The following FRMD8 variants were observed in gnomAD, a reference collection of about 807,000 sequenced individuals.
FRMD8 encodes the protein FERM domain-containing protein 8.
In FRMD8, 37 loss-of-function variants were observed where a neutral mutation model predicts 54.2. The observed-to-expected ratio is 0.68, with a 90% CI of 0.53 to 0.90. The LOEUF (loss-of-function observed/expected upper bound fraction) is 0.90, where lower values mean the gene tolerates loss of function less well. Among genes scored for constraint, FRMD8 ranks in the 40% least tolerant of loss-of-function variants. FRMD8 has a pLI of 0.00. For missense variants in FRMD8, 585 were observed against 653.7 expected (o/e 0.89, Z 1.15); for synonymous variants, 246 against 286.9 (o/e 0.86, Z 1.44).
intron 6 of FRMD8, 95 bp from the exon 7 acceptor site, chr11:65,396,703 GT>G (rs1435004348): frequency 4.1e-6 from 3 of 732,978 alleles, no homozygotes; most frequent in Non-Finnish European, 6.2e-6. Flanking sequence ...GTAGATGTGT[GT>G]CTGCTTCCTC....
At chr11:65,395,771 C>T (rs1236105879) in intron 6 of FRMD8, among the ~76,000 whole-genome samples, 1 of 152,190 alleles carries the variant, frequency 6.6e-6, no homozygotes, top group Non-Finnish European at 1.5e-5. Flanking sequence ...GCATTAAAAC[C>T]CCTGCACCAG....
At chr11:65,382,272 C>T, upstream of FRMD8, 1 of 427,930 alleles carries the variant, frequency 2.3e-6, no homozygotes, top group Non-Finnish European at 4.4e-6. This position sits in a 1 kb window ranked among gnomAD's most constrained non-coding sequence, Gnocchi z 4.4. Flanking sequence ...ATGGTCGGGC[C>T]CCTCCAGGGC....
intron 10 of FRMD8, 89 bp from the exon 11 acceptor site, chr11:65,411,153 C>A (rs1400210323): frequency 4.6e-6 from 5 of 1,087,548 alleles, no homozygotes; most frequent in Non-Finnish European, 6.6e-6. Flanking sequence ...GGAGCCGTCG[C>A]GCTGGAGCCA....
rs571831943 is a variant in FRMD8 at position 65,400,964 on chromosome 11, G to A, written c.1071+97G>A. ...GCACCAGGCTGGCGGGCAAGGAGGT[G>A]AGAAGCTGCCTTGGGCCTGAGGATG... is the stretch of plus-strand genomic sequence containing the variant. On this transcript the variant is annotated intron_variant, in intron 9 of 10. Coordinates refer to ENST00000317568, the MANE Select transcript of FRMD8 (RefSeq NM_031904.5). This position sits in a 1 kb window ranked among gnomAD's most constrained non-coding sequence, Gnocchi z 4.3. The A allele has an allele frequency of 4.5e-5, 61 of 1,365,762 alleles. No homozygotes were observed. The South Asian group carries it at 8.0e-4, about 18-fold the overall frequency. 84.6% of individuals were successfully genotyped at this position (1,365,762 alleles called of 1,614,324 possible). A position where few individuals can be genotyped will look rare whatever the true frequency, so the allele number is the denominator to read the frequency against.
intron 10 of FRMD8, 51 bp from the exon 11 acceptor site, chr11:65,411,191 C>A (rs767902381): frequency 1.4e-6 from 2 of 1,466,132 alleles, no homozygotes; most frequent in East Asian, 2.4e-5. Flanking sequence ...CCTGAGCCCC[C>A]TCACACAGGG....
At chr11:65,370,907 T>C in the FRMD8 span, among the ~76,000 whole-genome samples, 1 of 151,854 alleles carries the variant, frequency 6.6e-6, no homozygotes, top group Non-Finnish European at 1.5e-5. Flanking sequence ...CTCTAAAAAA[T>C]TGGGAAGGAG....
At chr11:65,398,742 T>C (rs1456930550) in intron 7 of FRMD8, among the ~76,000 whole-genome samples, 1 of 152,146 alleles carries the variant, frequency 6.6e-6, no homozygotes, top group African/African-American at 2.4e-5. Context: ...CCTGGCTGCT[T>C]TGGTTTCCTC....
upstream of FRMD8, chr11:65,381,876 A>G: frequency 6.2e-7 from 1 of 1,613,428 alleles, no homozygotes; most frequent in Non-Finnish European, 8.5e-7. Context: ...GTGACCTACC[A>G]TTGGGTGTGA....
chr11:65,396,950 G>A lies in FRMD8; in HGVS notation c.733G>A (p.Gly245Arg), dbSNP rs562393260. 21 of 1,525,872 alleles carry A rather than the reference G, an allele frequency of 1.4e-5. No homozygotes were observed. Among genetic ancestry groups the A allele is most frequent in the Admixed American group, 4.2e-5 (2 of 48,138 alleles). The allele number at this position is 1,525,872 out of a possible 1,614,324, so 94.5% of individuals were successfully genotyped here. A position where few individuals can be genotyped will look rare whatever the true frequency, so the allele number is the denominator to read the frequency against. The change falls in exon 7 of 11, where the codon GGG becomes AGG. Residue 245 changes from glycine to arginine, a missense_variant. By Grantham distance (125) the Gly-to-Arg change is moderately radical. Coordinates refer to ENST00000317568, the MANE Select transcript of FRMD8 (RefSeq NM_031904.5). ...RQVQEVSSDGGCEAALGTHYR... is the reference protein window; with the variant it reads ...RQVQEVSSDGRCEAALGTHYR... ...GGTGCAGGAGGTCAGCAGCGACGGC[G>A]GGTGCGAGGCCGCCCTGGGCACCCA...
At position 65,411,628 on chromosome 11, in the gene FRMD8, C is replaced by T. The variant is rs1372169267; in HGVS notation, c.*268C>T. ...GCCCTGCTGCTCTCTCAGGACCATCCGATCAAGCTGCAGCTGCCACCCTCA... is the reference window on the plus strand; with the variant it reads ...GCCCTGCTGCTCTCTCAGGACCATCTGATCAAGCTGCAGCTGCCACCCTCA... On this transcript the variant is annotated 3_prime_UTR_variant, in exon 11 of 11. Transcript: ENST00000317568. 8.6e-6 allele frequency: 3 copies of T among 348,842 alleles called. No homozygotes were observed. The highest frequency in any genetic ancestry group is 7.4e-5 in the South Asian group (1 of 13,516). 21.6% of individuals were successfully genotyped at this position (348,842 alleles called of 1,614,324 possible). A position where few individuals can be genotyped will look rare whatever the true frequency, so the allele number is the denominator to read the frequency against.
chr11:65,393,993 G>A (rs750240407), intron 4 of FRMD8, 48 bp from the exon 5 acceptor site: 2 of 1,599,552 alleles, frequency 1.3e-6, no homozygotes, highest in South Asian at 1.1e-5. Context: ...AGAGGGGAGG[G>A]CTAAGCAGAG....
rs942507238 is a variant in FRMD8 at position 65,397,167 on chromosome 11, C to T, written c.803+147C>T. The T allele has an allele frequency of 1.6e-4, 75 of 466,412 alleles. No individual in the cohort carries two copies. In the Middle Eastern group the frequency reaches 2.2e-3, roughly 14 times the overall value. The allele number at this position is 466,412 out of a possible 1,614,324, so 28.9% of individuals were successfully genotyped here. On this transcript the variant is annotated intron_variant, in intron 7 of 10. Transcript: ENST00000317568. ...TTGTCACGAGCACCTCAGGCCCCAC[C>T]GTTCCAAGCTGGGCACCTGTCCTCC...
intron 3 of FRMD8, among the ~76,000 whole-genome samples, chr11:65,392,868 A>T (rs1216483831): frequency 6.6e-6 from 1 of 152,146 alleles, no homozygotes; most frequent in African/African-American, 2.4e-5. Flanking sequence ...TTAGACCTGA[A>T]TCAGCCAGCC....
chr11:65,411,579 G>A lies in FRMD8; in HGVS notation c.*219G>A, dbSNP rs1339110245. ...CTCCTGTAGGGCTCCTCTGCAGCCT[G>A]CCCTCCCTTCCCCCGGATGCTGGGC... is the stretch of plus-strand genomic sequence containing the variant. On this transcript the variant is annotated 3_prime_UTR_variant, in exon 11 of 11. Coordinates refer to ENST00000317568, the MANE Select transcript of FRMD8 (RefSeq NM_031904.5). The A allele has an allele frequency of 6.6e-6, 3 of 452,728 alleles. No individual in the cohort carries two copies. Among genetic ancestry groups the A allele is most frequent in the Non-Finnish European group, 1.2e-5 (3 of 252,954 alleles). The allele number at this position is 452,728 out of a possible 1,614,324, so 28.0% of individuals were successfully genotyped here.
rs760012737 is a variant in FRMD8 at position 65,388,426 on chromosome 11, C to T, written c.86-935C>T. On this transcript the variant is annotated intron_variant, in intron 2 of 10. Coordinates refer to ENST00000317568, the MANE Select transcript of FRMD8 (RefSeq NM_031904.5). ...ACCTTCTCTTGTGTAGATGAGAAAC[C>T]GTGCCCTTCCCTTCCACACACTCTT... 1.2e-4 allele frequency among the ~76,000 whole-genome samples: 18 copies of T among 151,684 alleles called. No individual in the cohort carries two copies. The South Asian group carries it at 1.9e-3, about 16-fold the overall frequency.
Position 65,387,065 on chromosome 11 carries a change from A to T in FRMD8, c.29A>T (p.Gln10Leu). The T allele has an allele frequency of 6.2e-7, 1 of 1,609,360 alleles. No individual in the cohort carries two copies. Among genetic ancestry groups the T allele is most frequent in the Non-Finnish European group, 8.5e-7 (1 of 1,180,000 alleles). The change falls in exon 2 of 11, where the codon CAG becomes CTG. Residue 10 changes from glutamine to leucine, a missense_variant. By Grantham distance (113) the Gln-to-Leu change is moderately radical. Transcript: ENST00000317568. Reference sequence around the variant, plus strand: ...GACGGGACAGAAGGCAGTGCCGGGCAGCCCGGCCCCGCTGAGCGATCCCAC... The same window carrying T: ...GACGGGACAGAAGGCAGTGCCGGGCTGCCCGGCCCCGCTGAGCGATCCCAC... MDGTEGSAGQPGPAERSHRS... is the reference protein window; with the variant it reads MDGTEGSAGLPGPAERSHRS...
chr11:65,386,585 T>A, upstream of FRMD8: 1 of 164,210 alleles, frequency 6.1e-6, no homozygotes, highest in Non-Finnish European at 1.3e-5. Context: ...CTCCCCCGGG[T>A]CGAAGGGGGC....
the FRMD8 span, among the ~76,000 whole-genome samples, chr11:65,371,593 C>G: frequency 1.3e-4 from 20 of 152,220 alleles, no homozygotes; most frequent in African/African-American, 4.6e-4. Context: ...CTTATGAGAC[C>G]CTGCTGATTA....
chr11:65,405,204 G>A lies in FRMD8; in HGVS notation c.1276+136G>A, dbSNP rs543110048. 6 of 838,404 alleles carry A rather than the reference G, an allele frequency of 7.2e-6. No individual in the cohort carries two copies. In the African/African-American group the frequency reaches 8.3e-5, roughly 12 times the overall value. 51.9% of individuals were successfully genotyped at this position (838,404 alleles called of 1,614,324 possible). On this transcript the variant is annotated intron_variant, in intron 10 of 10. Transcript: ENST00000317568. ...CTGGCCTCCATCTCAGGACACAGCT[G>A]TGAGCAGGCCGAGCCCGGGCCTTGG...
Sources: gnomAD v4.1 joint callset for allele counts (sites outside exome capture counted in the v4.1 genomes callset) on GRCh38, gnomAD v4.1.1 for gene constraint, Gnocchi (gnomAD v3.1) non-coding constraint, MANE v1.5 for transcripts, NCBI Gene and HGNC (gene_info 2026-07-23, HGNC 2026-07-21) for gene names.